Variants in PRTG observed in about 807,000 individuals in gnomAD.
The protein encoded by PRTG is immunoglobulin superfamily, DCC subclass, member 5.
A neutral mutation model predicts 122.5 loss-of-function variants in PRTG; 67 were observed. The ratio of observed to expected loss-of-function variants is 0.55; its 90% confidence interval spans 0.45 to 0.67. The LOEUF is 0.67. Ranked by LOEUF, PRTG falls within the 30% of genes least tolerant of loss-of-function variation. The pLI is 0.00. For missense variants in PRTG, 1,435 were observed against 1,415.4 expected (o/e 1.01, Z -0.22); for synonymous variants, 554 against 501.1 (o/e 1.11, Z -1.41).
intron 2 of PRTG, among the ~76,000 whole-genome samples, chr15:55,706,604 A>AG (rs1555435208): frequency 2.1e-5 from 3 of 144,252 alleles, no homozygotes; most frequent in Non-Finnish European, 4.5e-5. Flanking sequence ...AAAAAAAAAA[A>AG]AAGTTGTTTT....
intron 11 of PRTG, among the ~76,000 whole-genome samples, chr15:55,641,573 A>C (rs1473727305): frequency 6.6e-6 from 1 of 152,196 alleles, no homozygotes; most frequent in Non-Finnish European, 1.5e-5. Context: ...ACTTTGTAGA[A>C]GTTTTTCGTT....
intron 2 of PRTG, among the ~76,000 whole-genome samples, chr15:55,689,102 C>T (rs1445575135): frequency 6.6e-6 from 1 of 152,202 alleles, no homozygotes; most frequent in African/African-American, 2.4e-5. Context: ...CTTGTTTCTG[C>T]TTTCATTCTT....
Position 55,619,847 on chromosome 15 carries a change from C to G in PRTG, c.*165G>C. On this transcript the variant is annotated 3_prime_UTR_variant, in exon 20 of 20. Transcript: ENST00000389286. ...CGAACAGATTTAATGGTGAGAATACCTGAGCATGGCCGTCTAGATTGGAAA... is the reference window on the plus strand; with the variant it reads ...CGAACAGATTTAATGGTGAGAATACGTGAGCATGGCCGTCTAGATTGGAAA... 4.3e-6 allele frequency: 5 copies of G among 1,169,190 alleles called. No homozygotes were observed. In the South Asian group the frequency reaches 8.1e-5, roughly 19 times the overall value. 72.4% of individuals were successfully genotyped at this position (1,169,190 alleles called of 1,614,324 possible). A position where few individuals can be genotyped will look rare whatever the true frequency, so the allele number is the denominator to read the frequency against.
rs377128464 is a variant in PRTG at position 55,627,153 on chromosome 15, A to C, written c.2807-25T>G. On this transcript the variant is annotated intron_variant, in intron 16 of 19. Transcript: ENST00000389286. ...ACTAGAAGGGAAAACACATTTACTC[A>C]GAATCAATCAGAAAAATAAATTATT... 3.2e-5 allele frequency: 48 copies of C among 1,493,608 alleles called. No individual in the cohort carries two copies. In the African/African-American group the frequency reaches 6.4e-4, roughly 20 times the overall value. 92.5% of individuals were successfully genotyped at this position (1,493,608 alleles called of 1,614,324 possible). A position where few individuals can be genotyped will look rare whatever the true frequency, so the allele number is the denominator to read the frequency against.
chr15:55,622,722 G>T (rs544450695), intron 18 of PRTG, among the ~76,000 whole-genome samples: 1 of 151,808 alleles, frequency 6.6e-6, no homozygotes, highest in South Asian at 2.1e-4. Context: ...TTTTAGTAGA[G>T]CTGGGGTTTC....
chr15:55,741,300 C>T (rs149389728), intron 1 of PRTG, among the ~76,000 whole-genome samples: 25 of 152,202 alleles, frequency 1.6e-4, no homozygotes, highest in African/African-American at 6.0e-4. Context: ...AAAAGACAAA[C>T]AATAGACTTT....
intron 19 of PRTG, 115 bp from the exon 20 acceptor site, chr15:55,620,381 C>T (rs1384873127): frequency 1.7e-5 from 25 of 1,503,568 alleles, no homozygotes; most frequent in East Asian, 2.3e-5. Context: ...CCGTGGCAAG[C>T]GAAGTGTCAA....
chr15:55,653,845 T>C (rs948308793), intron 11 of PRTG, among the ~76,000 whole-genome samples: 3 of 152,254 alleles, frequency 2.0e-5, no homozygotes, highest in East Asian at 1.9e-4. Context: ...TTCCCAGTTA[T>C]GTTGTGTTCA....
chr15:55,618,402 A>G lies in PRTG; in HGVS notation c.*1610T>C, dbSNP rs1047929315. ...TATGATTCCTTTTAAAATGAGAATCAAAAGTCACTTCCAGAAAATTTGAAA... is the reference window on the plus strand; with the variant it reads ...TATGATTCCTTTTAAAATGAGAATCGAAAGTCACTTCCAGAAAATTTGAAA... On this transcript the variant is annotated 3_prime_UTR_variant, in exon 20 of 20. Transcript: ENST00000389286. The G allele has an allele frequency of 2.6e-5, 4 of 152,190 alleles. No homozygotes were observed. The highest frequency in any genetic ancestry group is 9.7e-5 in the African/African-American group (4 of 41,430). 9.4% of individuals were successfully genotyped at this position (152,190 alleles called of 1,614,324 possible).
chr15:55,646,364 C>T (rs1032166403), intron 11 of PRTG, among the ~76,000 whole-genome samples: 5 of 150,522 alleles, frequency 3.3e-5, no homozygotes, highest in Admixed American at 6.7e-5. Context: ...GCTCTGTCGC[C>T]CAGGATGGAG....
chr15:55,679,010 T>G (rs2059520778), intron 7 of PRTG, among the ~76,000 whole-genome samples: 1 of 152,176 alleles, frequency 6.6e-6, no homozygotes, highest in Non-Finnish European at 1.5e-5. Context: ...AGTGGTGGCT[T>G]AATAGCACTA....
At position 55,677,871 on chromosome 15, in the gene PRTG, A is replaced by G. The variant is rs1390132682; in HGVS notation, c.1307T>C (p.Leu436Pro). 1 of 1,613,946 alleles carries G rather than the reference A, an allele frequency of 6.2e-7. No homozygotes were observed. Among genetic ancestry groups the G allele is most frequent in the Admixed American group, 1.7e-5 (1 of 59,998 alleles). Residue 436 changes from leucine (L) to proline (P), a missense_variant, in exon 8 of 20, where the codon CTT becomes CCT. Physicochemically the swap from Leu to Pro is moderately conservative, Grantham distance 98. Coordinates refer to ENST00000389286, the MANE Select transcript of PRTG (RefSeq NM_173814.6). ...ATAAAGTGGCCTCTCCCAGGCTAAA[A>G]GAATGGCTGAGCTTGACATGGTTTC... ...HAETMSSSAI[L>P]LAWERPLYNS...
intron 2 of PRTG, among the ~76,000 whole-genome samples, chr15:55,718,580 G>A (rs896306503): frequency 1.3e-5 from 2 of 150,228 alleles, no homozygotes; most frequent in Non-Finnish European, 2.9e-5. Context: ...GACTCAGCCC[G>A]CCTGCACCCA....
chr15:55,675,726 A>C (rs2059499047), intron 8 of PRTG, 43 bp from the exon 9 acceptor site: 2 of 1,309,872 alleles, frequency 1.5e-6, no homozygotes, highest in Admixed American at 1.8e-5. Flanking sequence ...GATATTCAAA[A>C]TAAAATTAAC....
chr15:55,620,196 T>A lies in PRTG; in HGVS notation c.3269A>T (p.Asp1090Val). The A allele has an allele frequency of 6.2e-7, 1 of 1,613,748 alleles. No homozygotes were observed. The highest frequency in any genetic ancestry group is 2.2e-5 in the East Asian group (1 of 44,860). The change falls in exon 20 of 20, where the codon GAC becomes GTC. Residue 1090 changes from aspartate (D) to valine (V), a missense_variant. Physicochemically the swap from Asp to Val is radical, Grantham distance 152. Coordinates refer to ENST00000389286, the MANE Select transcript of PRTG (RefSeq NM_173814.6). ...PGTTVLISDE[D>V]SPSSPGQTTS... is the part of the protein sequence containing the mutation. Reference sequence around the variant, plus strand: ...TGTCTGACCTGGGGAGCTAGGGGAGTCTTCATCACTGATTAATACAGTGGT... The same window carrying A: ...TGTCTGACCTGGGGAGCTAGGGGAGACTTCATCACTGATTAATACAGTGGT...
intron 17 of PRTG, among the ~76,000 whole-genome samples, chr15:55,625,802 T>A (rs998527650): frequency 1.3e-5 from 2 of 152,028 alleles, no homozygotes; most frequent in African/African-American, 2.4e-5. Flanking sequence ...TTTGTATTTT[T>A]AGTAGAGACA....
In PRTG at chr15:55,612,697, AATATATAT is replaced by A. The variant is rs59773365; in HGVS notation, c.*7307_*7314del. 656 of 119,968 alleles carry A rather than the reference AATATATAT, an allele frequency of 5.5e-3. No homozygotes were observed. The highest frequency in any genetic ancestry group is 0.011 in the African/African-American group (225 of 21,232). 7.4% of individuals were successfully genotyped at this position (119,968 alleles called of 1,614,324 possible). ...TTCTCTCTTTAACTCTTTAAAAGCC[AATATATAT>A]ATATATATATATATATATATATATA... is the stretch of plus-strand genomic sequence containing the variant. On this transcript the variant is annotated 3_prime_UTR_variant, in exon 20 of 20. Coordinates refer to ENST00000389286, the MANE Select transcript of PRTG (RefSeq NM_173814.6).
rs2059122493 is a variant in PRTG at position 55,612,028 on chromosome 15, A to T, written c.*7984T>A. The T allele has an allele frequency of 6.6e-6, 1 of 152,070 alleles. No individual in the cohort carries two copies. The highest frequency in any genetic ancestry group is 2.1e-4 in the South Asian group (1 of 4,834). 9.4% of individuals were successfully genotyped at this position (152,070 alleles called of 1,614,324 possible). A position where few individuals can be genotyped will look rare whatever the true frequency, so the allele number is the denominator to read the frequency against. The stretch of plus-strand genomic sequence containing the variant: ...ATCTTTGAAGAAAATAGAAAAAAAA[A>T]AATCATACACACAGACATAAAATTT... On this transcript the variant is annotated 3_prime_UTR_variant, in exon 20 of 20. Transcript: ENST00000389286.
In PRTG at chr15:55,637,344, T is replaced by C. The variant is rs1469326826; in HGVS notation, c.2453-4A>G. On this transcript the variant is annotated splice_region_variant and splice_polypyrimidine_tract_variant and intron_variant, in intron 14 of 19. Transcript: ENST00000389286. ...CCAACTGGTGGGCCTGCTGGTGCTGTGCAGACACAACAAAACATTGTATTA... is the reference window on the plus strand; with the variant it reads ...CCAACTGGTGGGCCTGCTGGTGCTGCGCAGACACAACAAAACATTGTATTA... 1 of 1,606,574 alleles carries C rather than the reference T, an allele frequency of 6.2e-7. No homozygotes were observed. Among genetic ancestry groups the C allele is most frequent in the East Asian group, 2.2e-5 (1 of 44,782 alleles).
Sources: gnomAD v4.1 joint callset for allele counts (sites outside exome capture counted in the v4.1 genomes callset) on GRCh38, gnomAD v4.1.1 for gene constraint, MANE v1.5 for transcripts, NCBI Gene and HGNC (gene_info 2026-07-23, HGNC 2026-07-21) for gene names.